Variants in ANKS1B observed in about 807,000 individuals in gnomAD.
The protein encoded by ANKS1B is ankyrin repeat and sterile alpha motif domain containing 1B.
In ANKS1B, 36 loss-of-function variants were observed where a neutral mutation model predicts 148.3. That is an observed-to-expected ratio of 0.24 (90% confidence interval 0.19 to 0.32). The LOEUF (loss-of-function observed/expected upper bound fraction) is 0.32, where lower values mean the gene tolerates loss of function less well. ANKS1B is among the 10% of genes least tolerant of loss of function. ANKS1B has a pLI of 1.00. For synonymous variants in ANKS1B, 542 were observed against 560.8 expected, an observed-to-expected ratio of 0.97 and a Z score of 0.47; for missense variants, 1,157 against 1,542.6, an observed-to-expected ratio of 0.75 and a Z score of 4.19.
chr12:99,334,080 T>C (rs994991687), intron 12 of ANKS1B, among the ~76,000 whole-genome samples: 2 of 151,860 alleles, frequency 1.3e-5, no homozygotes, highest in Non-Finnish European at 2.9e-5. Context: ...GCATCATGTT[T>C]AGCTTGACTT....
chr12:99,643,661 T>C (rs1397892928), intron 9 of ANKS1B, among the ~76,000 whole-genome samples: 1 of 152,254 alleles, frequency 6.6e-6, no homozygotes, highest in Admixed American at 6.5e-5. Flanking sequence ...TCTTTCATTT[T>C]ATCCTCTGTC....
intron 15 of ANKS1B, among the ~76,000 whole-genome samples, chr12:99,102,156 G>A (rs2058093595): frequency 6.6e-6 from 1 of 152,194 alleles, no homozygotes; most frequent in African/African-American, 2.4e-5. Context: ...ATAAGGATAT[G>A]AACCAACTGT....
intron 9 of ANKS1B, among the ~76,000 whole-genome samples, chr12:99,623,668 A>C (rs1567502991): frequency 6.6e-6 from 1 of 152,078 alleles, no homozygotes; most frequent in Non-Finnish European, 1.5e-5. Context: ...GTCACCAAAA[A>C]ATAAAATACC....
In ANKS1B at chr12:99,829,373, G is replaced by A. The variant is rs1051145227; in HGVS notation, c.135-3984C>T. Among the ~76,000 whole-genome samples the A allele has an allele frequency of 2.6e-5, 4 of 151,586 alleles. No homozygotes were observed. The South Asian group carries it at 6.3e-4, about 24-fold the overall frequency. On this transcript the variant is annotated intron_variant, in intron 1 of 26. Transcript: ENST00000683438. The stretch of plus-strand genomic sequence containing the variant: ...CTACTAAAAATACAATAATTAGGCC[G>A]GGCGCGGTGGCTCACACCTGTAATC...
At chr12:99,960,227 G>T (rs1322459737) in intron 1 of ANKS1B, among the ~76,000 whole-genome samples, 1 of 152,152 alleles carries the variant, frequency 6.6e-6, no homozygotes, top group African/African-American at 2.4e-5. Flanking sequence ...AAAGCCAAGG[G>T]TGGCAACGCT....
At chr12:99,736,888 G>T (rs371281305) in intron 8 of ANKS1B, among the ~76,000 whole-genome samples, 2 of 152,146 alleles carry the variant, frequency 1.3e-5, no homozygotes, top group East Asian at 1.9e-4. Context: ...CAAAGGAAAT[G>T]AATAGACACT....
At chr12:98,759,148 G>A (rs1234164074) in intron 25 of ANKS1B, among the ~76,000 whole-genome samples, 1 of 152,122 alleles carries the variant, frequency 6.6e-6, no homozygotes, top group Non-Finnish European at 1.5e-5. Flanking sequence ...GTATCATAAA[G>A]ATAAATCCTA....
chr12:99,236,993 G>C (rs1162706478), intron 14 of ANKS1B, among the ~76,000 whole-genome samples: 1 of 152,000 alleles, frequency 6.6e-6, no homozygotes, highest in South Asian at 2.1e-4. Flanking sequence ...AAAAATAATG[G>C]GTACTAGGCT....
intron 9 of ANKS1B, among the ~76,000 whole-genome samples, chr12:99,541,236 C>A (rs1415628660): frequency 2.0e-5 from 3 of 151,134 alleles, no homozygotes; most frequent in South Asian, 2.1e-4. Context: ...TTAAAAAAAA[C>A]AAACAAACAA....
intron 12 of ANKS1B, among the ~76,000 whole-genome samples, chr12:99,379,212 C>T (rs747504959): frequency 3.9e-5 from 6 of 151,972 alleles, no homozygotes; most frequent in Non-Finnish European, 7.4e-5. Context: ...TTTTAATAAG[C>T]GAAAGTGGTA....
intron 19 of ANKS1B, among the ~76,000 whole-genome samples, chr12:98,814,009 T>C (rs144029263): frequency 0.029 from 4,422 of 152,076 alleles, 89 homozygotes; most frequent in African/African-American, 0.05. Context: ...ACCTCTTGAG[T>C]AGCTGGCATT....
intron 9 of ANKS1B, among the ~76,000 whole-genome samples, chr12:99,553,299 G>C (rs545491575): frequency 2.0e-5 from 3 of 152,040 alleles, no homozygotes; most frequent in Non-Finnish European, 2.9e-5. Flanking sequence ...ACCCGGTTGG[G>C]GTTTGTTAAT....
intron 12 of ANKS1B, among the ~76,000 whole-genome samples, chr12:99,325,689 C>T (rs1236712335): frequency 2.0e-5 from 3 of 152,018 alleles, no homozygotes; most frequent in South Asian, 2.1e-4. Flanking sequence ...TTCAATAAGT[C>T]GGATCAAGAT....
intron 1 of ANKS1B, among the ~76,000 whole-genome samples, chr12:99,973,714 T>C (rs1483624262): frequency 5.9e-5 from 9 of 152,208 alleles, no homozygotes; most frequent in Non-Finnish European, 1.3e-4. Flanking sequence ...GAACTGCAGA[T>C]GTGGTGGAAA....
At chr12:99,404,262 C>G (rs902578615) in intron 11 of ANKS1B, among the ~76,000 whole-genome samples, 4 of 145,492 alleles carry the variant, frequency 2.7e-5, no homozygotes. Context: ...ATCTGTACAA[C>G]AAACCCCATG....
chr12:99,270,874 T>C (rs1231074706), intron 12 of ANKS1B, among the ~76,000 whole-genome samples: 2 of 152,242 alleles, frequency 1.3e-5, no homozygotes, highest in Non-Finnish European at 2.9e-5. Context: ...AAATTTATTT[T>C]AATATGCGTT....
intron 14 of ANKS1B, among the ~76,000 whole-genome samples, chr12:99,162,810 A>G (rs2076800823): frequency 6.6e-6 from 1 of 152,172 alleles, no homozygotes; most frequent in Non-Finnish European, 1.5e-5. Flanking sequence ...GCCTAATCTC[A>G]GCACTCTGGG....
chr12:99,605,598 G>A (rs961239026), intron 9 of ANKS1B, among the ~76,000 whole-genome samples: 3 of 151,968 alleles, frequency 2.0e-5, no homozygotes. Context: ...GTCTTTCTGT[G>A]TCTGGCTTAT....
chr12:99,770,975 A>C (rs1281403387), intron 8 of ANKS1B, among the ~76,000 whole-genome samples: 1 of 152,150 alleles, frequency 6.6e-6, no homozygotes, highest in Non-Finnish European at 1.5e-5. Flanking sequence ...TATGAGCATT[A>C]ATTTCTTTCT....
Sources: allele counts gnomAD v4.1 joint callset (sites outside exome capture counted in the v4.1 genomes callset), GRCh38; gene constraint gnomAD v4.1.1; transcripts MANE v1.5; gene names NCBI Gene and HGNC (gene_info 2026-07-23, HGNC 2026-07-21).